The following DHX8 variants were observed in gnomAD, a reference collection of about 807,000 sequenced individuals.
The protein encoded by DHX8 is ATP-dependent RNA helicase DHX8.
In DHX8, 67 loss-of-function variants were observed where a neutral mutation model predicts 140.7. The observed-to-expected ratio is 0.48, with a 90% CI of 0.39 to 0.58. DHX8 has a LOEUF of 0.58. Ranked by LOEUF, DHX8 falls within the 20% of genes least tolerant of loss-of-function variation. The probability of loss-of-function intolerance (pLI) is 0.00; values close to 1 mark genes in which losing one functional copy is unlikely to be tolerated. For synonymous variants in DHX8, 533 were observed against 553.2 expected, an observed-to-expected ratio of 0.96 and a Z score of 0.51; for missense variants, 887 against 1,550.7, an observed-to-expected ratio of 0.57 and a Z score of 7.19.
At position 43,520,178 on chromosome 17, in the gene DHX8, C is replaced by T; in HGVS notation, c.2848C>T (p.Pro950Ser). 4.3e-6 allele frequency: 7 copies of T among 1,614,154 alleles called. No homozygotes were observed. Among genetic ancestry groups the T allele is most frequent in the Non-Finnish European group, 5.9e-6 (7 of 1,180,020 alleles). Residue 950 changes from proline (P) to serine (S), a missense_variant, in exon 19 of 23, where the codon CCT (proline) becomes TCT (serine). By Grantham distance (74) the Pro-to-Ser change is moderately conservative (BLOSUM62 -1). Around this residue, in one of 9 missense-constraint regions of DHX8, gnomAD observed 151 missense variants for 388.3 expected, o/e 0.39. Coordinates refer to ENST00000262415, the MANE Select transcript of DHX8 (RefSeq NM_004941.3). ...LLSFDFMDAPPMETLITAMEQ... is the reference protein window; with the variant it reads ...LLSFDFMDAPSMETLITAMEQ... ...GTCCTTTGATTTCATGGATGCCCCA[C>T]CTATGGAAACTTTGATCACAGCCAT...
In DHX8 at chr17:43,524,740, T is replaced by A. The variant is rs1383985099; in HGVS notation, c.*893T>A. Reference sequence around the variant, plus strand: ...TTTTATTTTATTTTGTTTTTATTTTTTTCCCCTGAGGTCCTGGATGGACTT... The same window carrying A: ...TTTTATTTTATTTTGTTTTTATTTTATTCCCCTGAGGTCCTGGATGGACTT... On this transcript the variant is annotated 3_prime_UTR_variant, in exon 23 of 23. Transcript: ENST00000262415. The A allele has an allele frequency of 3.0e-6, 3 of 985,326 alleles. No homozygotes were observed. Among genetic ancestry groups the A allele is most frequent in the Non-Finnish European group, 2.4e-6 (2 of 829,938 alleles). The allele number at this position is 985,326 out of a possible 1,614,324, so 61.0% of individuals were successfully genotyped here.
chr17:43,494,393 A>G (rs1444040227), intron 8 of DHX8, among the ~76,000 whole-genome samples: 4 of 152,052 alleles, frequency 2.6e-5, no homozygotes, highest in Non-Finnish European at 4.4e-5. Flanking sequence ...CTTTTCTATA[A>G]AACAGGACCA....
At chr17:43,532,808 T>A in intron 2 of DHX8, 1 of 1,614,068 alleles carries the variant, frequency 6.2e-7, no homozygotes, top group Non-Finnish European at 8.5e-7. Flanking sequence ...GTATTCTTGC[T>A]TAAAGCTCTG....
At chr17:43,491,715 G>T (rs1403394816) in intron 4 of DHX8, among the ~76,000 whole-genome samples, 2 of 152,022 alleles carry the variant, frequency 1.3e-5, no homozygotes, top group African/African-American at 4.8e-5. Context: ...CTAATTTTGG[G>T]GTAGGGAGCA....
At chr17:43,529,020 G>T, downstream of DHX8, 1 of 1,016,220 alleles carries the variant, frequency 9.8e-7, no homozygotes. Context: ...CTCTCTGACT[G>T]ATTCATTATC....
chr17:43,508,412 A>G lies in DHX8; in HGVS notation c.2394A>G (p.Lys798=). 1 of 1,613,602 alleles carries G rather than the reference A, an allele frequency of 6.2e-7. No homozygotes were observed. The change falls in exon 16 of 23, where the codon AAA becomes AAG. Residue 798 remains lysine (K), a synonymous_variant. Coordinates refer to ENST00000262415, the MANE Select transcript of DHX8 (RefSeq NM_004941.3). ...TACEILYERM[K]SLGPDVPELI... is the part of the protein sequence containing the mutation. The stretch of plus-strand genomic sequence containing the variant: ...GTGAGATCCTGTATGAAAGAATGAA[A>G]TCCCTGGGACCTGATGTTCCAGAGT...
At chr17:43,510,315 C>T (rs751182858) in intron 16 of DHX8, among the ~76,000 whole-genome samples, 6 of 152,054 alleles carry the variant, frequency 3.9e-5, no homozygotes, top group Non-Finnish European at 7.4e-5. Context: ...CCCAAAGCGC[C>T]GGGATTCCAG....
In DHX8 at chr17:43,521,537, C is replaced by A; in HGVS notation, c.3235C>A (p.Arg1079Ser). 1 of 1,612,924 alleles carries A rather than the reference C, an allele frequency of 6.2e-7. No individual in the cohort carries two copies. The highest frequency in any genetic ancestry group is 2.2e-5 in the East Asian group (1 of 44,794). ...ARSLRRAQDI[R>S]KQMLGIMDRH... ...TTCCCTGCGCCGGGCCCAGGACATTCGCAAGCAGATGTTAGGCATAATGGA... is the reference window on the plus strand; with the variant it reads ...TTCCCTGCGCCGGGCCCAGGACATTAGCAAGCAGATGTTAGGCATAATGGA... The change falls in exon 21 of 23, where the codon CGC becomes AGC. Residue 1079 changes from arginine to serine, a missense_variant. By Grantham distance (110) the Arg-to-Ser change is moderately radical. This residue lies in a region of DHX8 where 101 missense variants were observed against 168.2 expected (regional missense o/e 0.60). Coordinates refer to ENST00000262415, the MANE Select transcript of DHX8 (RefSeq NM_004941.3).
At chr17:43,486,240 G>A (rs1968139050) in intron 1 of DHX8, among the ~76,000 whole-genome samples, 1 of 151,514 alleles carries the variant, frequency 6.6e-6, no homozygotes, top group Admixed American at 6.6e-5. Context: ...AATAGACAGT[G>A]TCTTTTGTTG....
intron 15 of DHX8, 34 bp downstream of exon 15, chr17:43,508,053 G>A (rs1969591060): frequency 6.2e-7 from 1 of 1,603,182 alleles, no homozygotes; most frequent in Non-Finnish European, 8.5e-7. Flanking sequence ...TTTTTGGGAG[G>A]CCTAATTTTC....
At chr17:43,485,533 T>A (rs1296883176) in intron 1 of DHX8, among the ~76,000 whole-genome samples, 1 of 152,172 alleles carries the variant, frequency 6.6e-6, no homozygotes, top group Admixed American at 6.5e-5. Flanking sequence ...TAGTTGATAA[T>A]GAGGTGATAA....
Position 43,508,319 on chromosome 17 carries a change from A to G in DHX8, c.2321-20A>G. On this transcript the variant is annotated intron_variant, in intron 15 of 22. Coordinates refer to ENST00000262415, the MANE Select transcript of DHX8 (RefSeq NM_004941.3). ...ACATACACACACAGAAAGTAGATGAATGTTCTATTCTGCTCGTAGGTGATA... is the reference window on the plus strand; with the variant it reads ...ACATACACACACAGAAAGTAGATGAGTGTTCTATTCTGCTCGTAGGTGATA... 6.3e-7 allele frequency: 1 copy of G among 1,599,708 alleles called. No homozygotes were observed.
intron 1 of DHX8, among the ~76,000 whole-genome samples, chr17:43,488,355 T>TA (rs1398619548): frequency 6.6e-6 from 1 of 151,934 alleles, no homozygotes; most frequent in African/African-American, 2.4e-5. Context: ...CTTATGCCTG[T>TA]AATCCCAGCA....
chr17:43,540,135 C>G (rs1366346782), intron 3 of DHX8, among the ~76,000 whole-genome samples: 1 of 152,136 alleles, frequency 6.6e-6, no homozygotes, highest in African/African-American at 2.4e-5. Flanking sequence ...TGGCCTGATT[C>G]AAGAGTCACC....
downstream of DHX8, chr17:43,529,804 A>T: frequency 6.2e-7 from 1 of 1,601,444 alleles, no homozygotes; most frequent in South Asian, 1.1e-5. Flanking sequence ...CCCTCTTGCA[A>T]CAATGAAACG....
At chr17:43,542,513 G>T (rs937934891) in intron 3 of DHX8, among the ~76,000 whole-genome samples, 2 of 152,090 alleles carry the variant, frequency 1.3e-5, no homozygotes, top group African/African-American at 2.4e-5. Context: ...GCCTGAGCCT[G>T]GGTCTCCCTG....
rs1342674819 is a variant in DHX8 at position 43,522,162 on chromosome 17, C to T, written c.3379C>T (p.Leu1127=). The T allele has an allele frequency of 3.1e-6, 5 of 1,613,984 alleles. No individual in the cohort carries two copies. Among genetic ancestry groups the T allele is most frequent in the African/African-American group, 1.3e-5 (1 of 74,912 alleles). Residue 1127 remains leucine (L), a synonymous_variant, in exon 22 of 23, where the codon CTG becomes TTG. Coordinates refer to ENST00000262415, the MANE Select transcript of DHX8 (RefSeq NM_004941.3). ...AGACCCGCAGGAGGGTTACCGGACACTGATCGACCAGCAGGTGGTCTATAT... is the reference window on the plus strand; with the variant it reads ...AGACCCGCAGGAGGGTTACCGGACATTGATCGACCAGCAGGTGGTCTATAT... ...KKDPQEGYRT[L]IDQQVVYIHP... is the part of the protein sequence containing the mutation.
In DHX8 at chr17:43,524,932, C is replaced by A; in HGVS notation, c.*1085C>A. Reference sequence around the variant, plus strand: ...CTTGGAGAATAGCCACCTCCTTGTGCCCTCCTCACAGCTCCTGAGGAGGGT... The same window carrying A: ...CTTGGAGAATAGCCACCTCCTTGTGACCTCCTCACAGCTCCTGAGGAGGGT... On this transcript the variant is annotated 3_prime_UTR_variant, in exon 23 of 23. Transcript: ENST00000262415. 1 of 985,316 alleles carries A rather than the reference C, an allele frequency of 1.0e-6. No individual in the cohort carries two copies. Among genetic ancestry groups the A allele is most frequent in the Middle Eastern group, 5.2e-4 (1 of 1,916 alleles). The allele number at this position is 985,316 out of a possible 1,614,324, so 61.0% of individuals were successfully genotyped here. A position where few individuals can be genotyped will look rare whatever the true frequency, so the allele number is the denominator to read the frequency against.
chr17:43,530,826 TC>T (rs1171802589), downstream of DHX8, among the ~76,000 whole-genome samples: 2 of 149,570 alleles, frequency 1.3e-5, no homozygotes, highest in African/African-American at 2.5e-5. Flanking sequence ...CTTCCCGCCC[TC>T]CCCCCACTGC....
Sources: allele counts gnomAD v4.1 joint callset (sites outside exome capture counted in the v4.1 genomes callset), GRCh38; gene constraint gnomAD v4.1.1; regional missense constraint gnomAD v4.1.1; transcripts MANE v1.5; gene names NCBI Gene and HGNC (gene_info 2026-07-23, HGNC 2026-07-21).